Variants in CADPS observed in about 807,000 individuals in gnomAD.
CADPS encodes calcium-dependent secretion activator 1.
CADPS carries 57 observed loss-of-function variants against 167.3 expected under a neutral mutation model. The observed-to-expected ratio is 0.34, with a 90% CI of 0.28 to 0.42. CADPS has a LOEUF of 0.42. Ranked by LOEUF, CADPS falls within the 20% of genes least tolerant of loss-of-function variation. The pLI is 1.00. For missense variants in CADPS, 1,414 were observed against 1,738.1 expected (o/e 0.81, Z 3.32); for synonymous variants, 676 against 635.3 (o/e 1.06, Z -0.96).
chr3:62,639,025 A>C (rs2066883105), intron 6 of CADPS, among the ~76,000 whole-genome samples: 1 of 141,286 alleles, frequency 7.1e-6, no homozygotes, highest in East Asian at 1.9e-4. Flanking sequence ...CTGTTGTCCT[A>C]GCAGTCTGCC....
intron 13 of CADPS, among the ~76,000 whole-genome samples, chr3:62,520,996 C>T (rs757602315): frequency 2.0e-5 from 3 of 152,112 alleles, no homozygotes; most frequent in Non-Finnish European, 4.4e-5. Flanking sequence ...TTGGAGAGTA[C>T]TGTTTTTTCC....
At chr3:62,605,827 A>T (rs2060622393) in intron 6 of CADPS, among the ~76,000 whole-genome samples, 1 of 152,268 alleles carries the variant, frequency 6.6e-6, no homozygotes, top group Non-Finnish European at 1.5e-5. Context: ...ATGCACAAGT[A>T]ATCCAAGTGC....
chr3:62,787,881 A>G (rs555274011), intron 1 of CADPS, among the ~76,000 whole-genome samples: 1 of 152,344 alleles, frequency 6.6e-6, no homozygotes, highest in African/African-American at 2.4e-5. Context: ...AATGTTAGGT[A>G]CTATTACGAT....
rs1577065912 is a variant in CADPS, at chr3:62,834,481, G to T, written c.441+40108C>A. ...ACTGAGGCAAGAACGTAGTGGTAAGGACATCAACTTTGGATTTAGACGTTT... is the reference window on the plus strand; with the variant it reads ...ACTGAGGCAAGAACGTAGTGGTAAGTACATCAACTTTGGATTTAGACGTTT... On this transcript the variant is annotated intron_variant, in intron 1 of 29. Coordinates refer to ENST00000383710, the MANE Select transcript of CADPS (RefSeq NM_003716.4). Among the ~76,000 whole-genome samples the T allele has an allele frequency of 5.3e-5, 8 of 152,238 alleles. 1 individual carries two copies. The highest frequency in any genetic ancestry group is 5.2e-4 in the Admixed American group (8 of 15,272).
intron 21 of CADPS, among the ~76,000 whole-genome samples, chr3:62,489,005 A>C (rs1163558841): frequency 6.6e-6 from 1 of 152,180 alleles, no homozygotes; most frequent in Non-Finnish European, 1.5e-5. Context: ...CCCATGCAAG[A>C]GTTCAAATTT....
At chr3:62,608,053 A>G (rs567275253) in intron 6 of CADPS, among the ~76,000 whole-genome samples, 9,494 of 152,108 alleles carry the variant, frequency 0.062, 954 homozygotes, top group African/African-American at 0.22. Flanking sequence ...TCAGTTGTAG[A>G]GAAATAACTG....
At chr3:62,862,422 G>A (rs981953413) in intron 1 of CADPS, among the ~76,000 whole-genome samples, 2 of 151,974 alleles carry the variant, frequency 1.3e-5, no homozygotes, top group South Asian at 4.2e-4. Flanking sequence ...TCACCACGTT[G>A]GCCAGGATGG....
intron 18 of CADPS, chr3:62,498,027 C>T: frequency 2.3e-6 from 1 of 439,096 alleles, no homozygotes; most frequent in Non-Finnish European, 4.6e-6. Flanking sequence ...TGTTACATTC[C>T]TTGGGTCAGT....
At chr3:62,849,151 G>T (rs2078053220) in intron 1 of CADPS, among the ~76,000 whole-genome samples, 1 of 150,832 alleles carries the variant, frequency 6.6e-6, no homozygotes, top group Non-Finnish European at 1.5e-5. Context: ...TGCTGAAGTT[G>T]CTTATCAGCT....
At chr3:62,508,182 G>C (rs1268872361) in intron 17 of CADPS, among the ~76,000 whole-genome samples, 1 of 152,306 alleles carries the variant, frequency 6.6e-6, no homozygotes, top group Non-Finnish European at 1.5e-5. Flanking sequence ...ATTGTGGATA[G>C]GGCCGTTATA....
chr3:62,647,085 GAAGA>G (rs1417349359), intron 5 of CADPS, among the ~76,000 whole-genome samples: 4 of 152,240 alleles, frequency 2.6e-5, no homozygotes, highest in African/African-American at 7.2e-5. Flanking sequence ...AGAAAGCAGA[GAAGA>G]AAGAGATCAA....
intron 3 of CADPS, among the ~76,000 whole-genome samples, chr3:62,746,246 AT>A (rs1006611340): frequency 6.6e-6 from 1 of 152,168 alleles, no homozygotes; most frequent in Non-Finnish European, 1.5e-5. Flanking sequence ...GAATGAGGAG[AT>A]TTTACAGATG....
intron 1 of CADPS, among the ~76,000 whole-genome samples, chr3:62,862,431 G>T (rs148654616): frequency 6.6e-6 from 1 of 151,908 alleles, no homozygotes; most frequent in Admixed American, 6.6e-5. Flanking sequence ...TGGCCAGGAT[G>T]GTCTCAATCT....
At chr3:62,586,000 C>G (rs541933663) in intron 7 of CADPS, among the ~76,000 whole-genome samples, 1 of 152,354 alleles carries the variant, frequency 6.6e-6, no homozygotes, top group South Asian at 2.1e-4. Flanking sequence ...TGATTTGGGT[C>G]TTCTGCATCC....
chr3:62,453,606 C>T (rs766370694), intron 26 of CADPS, among the ~76,000 whole-genome samples: 17 of 152,170 alleles, frequency 1.1e-4, no homozygotes, highest in Non-Finnish European at 2.1e-4. Flanking sequence ...TTGGGTGAGA[C>T]AGAATGTGTG....
At chr3:62,629,118 A>C (rs149177018) in intron 6 of CADPS, among the ~76,000 whole-genome samples, 1 of 152,164 alleles carries the variant, frequency 6.6e-6, no homozygotes, top group Non-Finnish European at 1.5e-5. Context: ...TTTAAATAAA[A>C]GCTTTAGTGA....
chr3:62,477,061 G>A (rs1560934788), intron 23 of CADPS, among the ~76,000 whole-genome samples: 2 of 152,170 alleles, frequency 1.3e-5, no homozygotes, highest in African/African-American at 2.4e-5. Context: ...CACCTGCCCA[G>A]ATTCTCCATA....
chr3:62,717,487 T>C (rs6776257), intron 3 of CADPS, among the ~76,000 whole-genome samples: 95,250 of 152,018 alleles, frequency 0.63, 30,424 homozygotes, highest in East Asian at 0.77. Context: ...GGTTCCTTTC[T>C]CATCTTCGAA....
intron 1 of CADPS, among the ~76,000 whole-genome samples, chr3:62,810,529 C>T (rs2094344868): frequency 6.6e-6 from 1 of 152,110 alleles, no homozygotes; most frequent in African/African-American, 2.4e-5. Flanking sequence ...TTCTTTATTA[C>T]TCGGATTTGT....
Sources: gnomAD v4.1 joint callset for allele counts (sites outside exome capture counted in the v4.1 genomes callset) on GRCh38, gnomAD v4.1.1 for gene constraint, MANE v1.5 for transcripts, NCBI Gene and HGNC (gene_info 2026-07-23, HGNC 2026-07-21) for gene names.